KALRN: variants seen among roughly 807,000 people sequenced by gnomAD.
The protein encoded by KALRN is kalirin.
Under a neutral mutation model 353.7 loss-of-function variants are expected in KALRN, and 70 were observed. That is an observed-to-expected ratio of 0.20 (90% CI 0.16 to 0.24). KALRN has a LOEUF of 0.24. Ranked by LOEUF, KALRN falls within the 10% of genes least tolerant of loss-of-function variation. KALRN has a pLI of 1.00. For missense variants in KALRN, 2,791 were observed against 3,756.7 expected, an observed-to-expected ratio of 0.74 and a Z score of 6.72; for synonymous variants, 1,391 against 1,434.8, an observed-to-expected ratio of 0.97 and a Z score of 0.69.
chr3:124,131,893 A>C (rs1242465212), intron 1 of KALRN, among the ~76,000 whole-genome samples: 1 of 152,132 alleles, frequency 6.6e-6, no homozygotes, highest in East Asian at 1.9e-4. Flanking sequence ...CCTGGACCTT[A>C]GTTCCTCCTC....
At chr3:124,673,100 T>G (rs2150387381) in intron 48 of KALRN, among the ~76,000 whole-genome samples, 1 of 152,210 alleles carries the variant, frequency 6.6e-6, no homozygotes, top group Non-Finnish European at 1.5e-5. Flanking sequence ...GTCAAACATA[T>G]CGGGCCAGAT....
chr3:124,255,745 G>A (rs989603132), intron 3 of KALRN, among the ~76,000 whole-genome samples: 5 of 152,146 alleles, frequency 3.3e-5, no homozygotes, highest in Non-Finnish European at 7.3e-5. Context: ...AGCAGGGTGG[G>A]GAGGGAATGT....
At position 124,370,114 on chromosome 3, in the gene KALRN, C is replaced by T. The variant is rs140292888; in HGVS notation, c.1771-14731C>T. ...ATAAGTTCCATCAAGTTCAAGACACCTTTGTAAGTGATGCTACCAGCCATT... is the reference window on the plus strand; with the variant it reads ...ATAAGTTCCATCAAGTTCAAGACACTTTTGTAAGTGATGCTACCAGCCATT... On this transcript the variant is annotated intron_variant, in intron 10 of 59. Coordinates refer to ENST00000682506, the MANE Select transcript of KALRN (RefSeq NM_001388419.1). 5.2e-3 allele frequency among the ~76,000 whole-genome samples: 787 copies of T among 152,092 alleles called. 9 individuals are homozygous for T. The highest frequency in any genetic ancestry group is 0.018 in the African/African-American group (761 of 41,452).
chr3:124,375,117 G>A (rs182338669), intron 10 of KALRN, among the ~76,000 whole-genome samples: 393 of 152,286 alleles, frequency 2.6e-3, no homozygotes, highest in Admixed American at 4.6e-3. Flanking sequence ...ATGAGGGAAG[G>A]GAGAGGGTGA....
At chr3:124,560,547 A>G (rs142408566) in intron 33 of KALRN, among the ~76,000 whole-genome samples, 1 of 152,366 alleles carries the variant, frequency 6.6e-6, no homozygotes, top group East Asian at 1.9e-4. Context: ...ATCTATTCAC[A>G]TGTAGTGTTC....
chr3:124,413,703 A>G, intron 14 of KALRN, 38 bp downstream of exon 14: 5 of 1,549,708 alleles, frequency 3.2e-6, no homozygotes, highest in Non-Finnish European at 4.4e-6. Context: ...AGAGGAGATG[A>G]TGAAAACAAG....
intron 32 of KALRN, among the ~76,000 whole-genome samples, chr3:124,494,344 G>T (rs1360572809): frequency 2.6e-5 from 4 of 152,192 alleles, no homozygotes; most frequent in Admixed American, 2.6e-4. Flanking sequence ...ACAGTCCTAG[G>T]TGGCCTCCCC....
At chr3:124,125,212 A>G (rs1416081710) in intron 1 of KALRN, among the ~76,000 whole-genome samples, 1 of 152,214 alleles carries the variant, frequency 6.6e-6, no homozygotes, top group Non-Finnish European at 1.5e-5. Flanking sequence ...TCAGTAAAGC[A>G]AGGATTATCA....
intron 17 of KALRN, among the ~76,000 whole-genome samples, chr3:124,437,542 T>C (rs185135084): frequency 6.6e-6 from 1 of 151,918 alleles, no homozygotes; most frequent in East Asian, 1.9e-4. Flanking sequence ...ATACAAAAAT[T>C]AGCTGGATGT....
chr3:124,161,981 T>C (rs1285170676), intron 1 of KALRN, among the ~76,000 whole-genome samples: 1 of 152,218 alleles, frequency 6.6e-6, no homozygotes. Flanking sequence ...TACTGGGACT[T>C]GTATTGTACC....
intron 39 of KALRN, among the ~76,000 whole-genome samples, chr3:124,656,486 C>G (rs1415805219): frequency 6.6e-6 from 1 of 152,146 alleles, no homozygotes; most frequent in Non-Finnish European, 1.5e-5. Context: ...TGGTGGGCGC[C>G]TGTAGTCCCA....
intron 1 of KALRN, among the ~76,000 whole-genome samples, chr3:124,072,942 G>A (rs1225850194): frequency 6.6e-6 from 1 of 152,216 alleles, no homozygotes; most frequent in Non-Finnish European, 1.5e-5. Flanking sequence ...CACTGTTCTT[G>A]CTAGTCCATC....
chr3:124,698,122 C>A (rs562300075), intron 55 of KALRN, among the ~76,000 whole-genome samples: 107 of 152,246 alleles, frequency 7.0e-4, no homozygotes, highest in African/African-American at 2.5e-3. Flanking sequence ...GCGCACACCA[C>A]CACACCCGGC....
intron 1 of KALRN, among the ~76,000 whole-genome samples, chr3:124,074,770 T>G (rs1374152198): frequency 2.0e-5 from 3 of 152,252 alleles, no homozygotes; most frequent in African/African-American, 7.2e-5. Context: ...AGTGTCATGA[T>G]GGCTTATGAA....
rs1029616207 is a variant in KALRN, at chr3:124,269,263, G to A, written c.969+8G>A. The stretch of plus-strand genomic sequence containing the variant: ...GAGCAGGATGCTGAGAAGGTAGGAA[G>A]GGAACAGGCCAAACCTGAGCCGGGA... On this transcript the variant is annotated splice_region_variant and intron_variant, in intron 5 of 59. Transcript: ENST00000682506. 2 of 1,588,992 alleles carry A rather than the reference G, an allele frequency of 1.3e-6. No individual in the cohort carries two copies. The highest frequency in any genetic ancestry group is 2.3e-5 in the South Asian group (2 of 88,552).
At chr3:124,529,642 G>T (rs1167310596) in intron 33 of KALRN, among the ~76,000 whole-genome samples, 1 of 152,128 alleles carries the variant, frequency 6.6e-6, no homozygotes, top group African/African-American at 2.4e-5. Flanking sequence ...AAACTACAGG[G>T]TGGTTTGGTC....
At chr3:124,399,450 A>G (rs1022715949) in intron 13 of KALRN, among the ~76,000 whole-genome samples, 1 of 152,022 alleles carries the variant, frequency 6.6e-6, no homozygotes, top group African/African-American at 2.4e-5. Context: ...GAAGTTTTTT[A>G]TTGCTATCCG....
At chr3:124,205,892 C>T (rs1247562182) in intron 1 of KALRN, among the ~76,000 whole-genome samples, 1 of 152,174 alleles carries the variant, frequency 6.6e-6, no homozygotes, top group Non-Finnish European at 1.5e-5. Flanking sequence ...CTCCCCTGTG[C>T]TCATTATTCT....
chr3:124,304,444 C>G (rs990088377), intron 6 of KALRN, among the ~76,000 whole-genome samples: 2 of 152,138 alleles, frequency 1.3e-5, no homozygotes, highest in Non-Finnish European at 2.9e-5. Context: ...CACGTTAAAT[C>G]AGAAAACTAT....
Sources: allele counts gnomAD v4.1 joint callset (sites outside exome capture counted in the v4.1 genomes callset), GRCh38; gene constraint gnomAD v4.1.1; transcripts MANE v1.5; gene names NCBI Gene and HGNC (gene_info 2026-07-23, HGNC 2026-07-21).